The following PRCP variants were observed in gnomAD, a reference collection of about 807,000 sequenced individuals.
PRCP encodes prolylcarboxypeptidase, also known as lysosomal Pro-X carboxypeptidase.
A neutral mutation model predicts 54.2 loss-of-function variants in PRCP; 46 were observed. That is an observed-to-expected ratio of 0.85 (90% CI 0.67 to 1.09). The LOEUF (loss-of-function observed/expected upper bound fraction) is 1.09. Ranked by LOEUF, PRCP falls within the 50% of genes least tolerant of loss-of-function variation. PRCP has a pLI of 0.00. For missense variants in PRCP, 613 were observed against 596.8 expected (o/e 1.03, Z -0.28); for synonymous variants, 240 against 212.2 (o/e 1.13, Z -1.14).
intron 8 of PRCP, chr11:82,827,137 A>C (rs974314294): frequency 2.0e-5 from 3 of 152,188 alleles, no homozygotes; most frequent in Non-Finnish European, 4.4e-5. Flanking sequence ...GGTATTGTTT[A>C]CAAAGCCTTA....
At chr11:82,881,273 A>G (rs1441380398) in intron 1 of PRCP, among the ~76,000 whole-genome samples, 1 of 152,184 alleles carries the variant, frequency 6.6e-6, no homozygotes, top group Admixed American at 6.5e-5. Context: ...AGTGACCTGA[A>G]CCATTATGCC....
chr11:82,888,344 G>C (rs1488775508), intron 1 of PRCP, among the ~76,000 whole-genome samples: 5 of 152,188 alleles, frequency 3.3e-5, no homozygotes. Flanking sequence ...CTTCTCTCCA[G>C]CCGCAGCACC....
At chr11:82,843,713 G>T (rs140892875) in intron 6 of PRCP, among the ~76,000 whole-genome samples, 3 of 152,118 alleles carry the variant, frequency 2.0e-5, no homozygotes, top group Non-Finnish European at 4.4e-5. Context: ...CTGTAAATGC[G>T]CTGAAATGTG....
intron 6 of PRCP, among the ~76,000 whole-genome samples, chr11:82,847,607 C>T (rs1299590986): frequency 1.3e-5 from 2 of 151,998 alleles, no homozygotes; most frequent in East Asian, 3.8e-4. Flanking sequence ...GTTTTCTTTT[C>T]TTTACTTTTC....
At chr11:82,879,180 T>G (rs1349102922) in intron 1 of PRCP, among the ~76,000 whole-genome samples, 1 of 152,262 alleles carries the variant, frequency 6.6e-6, no homozygotes, top group South Asian at 2.1e-4. Flanking sequence ...CAATCAGACA[T>G]AGATTTGGTC....
chr11:82,850,316 G>A lies in PRCP; in HGVS notation c.593+8C>T, dbSNP rs748855698. ...AGAAACGTTCATGTCCAGTACAAAT[G>A]CACTTACCCAACTACCATATGAGGA... On this transcript the variant is annotated splice_region_variant and intron_variant, in intron 4 of 8. Transcript: ENST00000313010. 1 of 1,507,184 alleles carries A rather than the reference G, an allele frequency of 6.6e-7. No homozygotes were observed. Among genetic ancestry groups the A allele is most frequent in the Non-Finnish European group, 8.9e-7 (1 of 1,123,026 alleles). 93.4% of individuals were successfully genotyped at this position (1,507,184 alleles called of 1,614,324 possible). A position where few individuals can be genotyped will look rare whatever the true frequency, so the allele number is the denominator to read the frequency against.
rs139208551 is a variant in PRCP at position 82,899,161 on chromosome 11, T to C, written c.168+1074A>G. Among the ~76,000 whole-genome samples, 91 of 152,302 alleles carry C rather than the reference T, an allele frequency of 6.0e-4. 1 individual carries two copies. The highest frequency in any genetic ancestry group is 2.1e-3 in the African/African-American group (87 of 41,558). On this transcript the variant is annotated intron_variant, in intron 1 of 8. Transcript: ENST00000313010. ...ATTATTGAGCCCACAAGTTCAAGACTAGCCTGGGCAACATAGTGAGCCTTG... is the reference window on the plus strand; with the variant it reads ...ATTATTGAGCCCACAAGTTCAAGACCAGCCTGGGCAACATAGTGAGCCTTG...
intron 6 of PRCP, among the ~76,000 whole-genome samples, chr11:82,844,549 C>G (rs2121119254): frequency 6.6e-6 from 1 of 151,958 alleles, no homozygotes; most frequent in Non-Finnish European, 1.5e-5. Context: ...CCAGCCTGGC[C>G]AACATGGTGA....
chr11:82,867,260 A>C (rs1023564271), intron 1 of PRCP, among the ~76,000 whole-genome samples: 1 of 152,168 alleles, frequency 6.6e-6, no homozygotes, highest in African/African-American at 2.4e-5. Context: ...GGGGAGAGAA[A>C]ACACCCTCTC....
At chr11:82,834,977 T>C (rs1858484155) in intron 8 of PRCP, among the ~76,000 whole-genome samples, 1 of 152,190 alleles carries the variant, frequency 6.6e-6, no homozygotes, top group Non-Finnish European at 1.5e-5. Flanking sequence ...GGCAAGAGAA[T>C]GGCTTGAATC....
intron 1 of PRCP, among the ~76,000 whole-genome samples, chr11:82,892,556 CTATA>C (rs1441486413): frequency 6.6e-6 from 1 of 152,104 alleles, no homozygotes; most frequent in Non-Finnish European, 1.5e-5. Flanking sequence ...TTACAAAAAT[CTATA>C]TATCAATTTT....
chr11:82,840,887 T>C (rs1858647782), intron 6 of PRCP: 1 of 151,910 alleles, frequency 6.6e-6, no homozygotes, highest in South Asian at 2.1e-4. Context: ...GGTTATGAAA[T>C]ATACATCTTA....
intron 1 of PRCP, among the ~76,000 whole-genome samples, chr11:82,898,858 C>G (rs908161609): frequency 6.6e-6 from 1 of 152,194 alleles, no homozygotes; most frequent in Non-Finnish European, 1.5e-5. Flanking sequence ...AAAATTGTTT[C>G]TTGGCTGGGG....
intron 1 of PRCP, among the ~76,000 whole-genome samples, chr11:82,886,736 A>G (rs1188230698): frequency 6.6e-6 from 1 of 152,200 alleles, no homozygotes; most frequent in African/African-American, 2.4e-5. Context: ...TGCATAAATC[A>G]CTTCAGCCTC....
chr11:82,888,684 A>C (rs918623744), intron 1 of PRCP, among the ~76,000 whole-genome samples: 1 of 152,186 alleles, frequency 6.6e-6, no homozygotes, highest in African/African-American at 2.4e-5. Flanking sequence ...AGACCCCAAA[A>C]TAAGAAAATT....
At position 82,849,972 on chromosome 11, in the gene PRCP, T is replaced by G. The variant is rs1015338748; in HGVS notation, c.693A>C (p.Pro231=). ...IVTTDFRKSG[P]HCSESIHRSW... Reference sequence around the variant, plus strand: ...ACCTGTGGATGCTCTCTGAACAATGTGGACCGCTTTTCCTAAAATCTGTAG... The same window carrying G: ...ACCTGTGGATGCTCTCTGAACAATGGGGACCGCTTTTCCTAAAATCTGTAG... The change falls in exon 5 of 9, where the codon CCA becomes CCC. Residue 231 remains proline, a synonymous_variant. Transcript: ENST00000313010. 1.9e-6 allele frequency: 3 copies of G among 1,545,692 alleles called. No homozygotes were observed. The African/African-American group carries it at 4.2e-5, about 22-fold the overall frequency.
intron 1 of PRCP, among the ~76,000 whole-genome samples, chr11:82,879,980 G>T (rs1859705249): frequency 6.6e-6 from 1 of 152,222 alleles, no homozygotes; most frequent in Non-Finnish European, 1.5e-5. Context: ...CTACTCAGGG[G>T]TCAGGGACCC....
intron 1 of PRCP, among the ~76,000 whole-genome samples, chr11:82,860,824 G>A (rs1859190324): frequency 6.6e-6 from 1 of 152,064 alleles, no homozygotes; most frequent in Non-Finnish European, 1.5e-5. Context: ...AGAAATTAGG[G>A]CTTATTAGTG....
At chr11:82,832,315 CACCA>C (rs1858407051) in intron 8 of PRCP, among the ~76,000 whole-genome samples, 1 of 152,166 alleles carries the variant, frequency 6.6e-6, no homozygotes, top group Non-Finnish European at 1.5e-5. Flanking sequence ...TTTACACTCC[CACCA>C]ACAGTATAAA....
Sources: allele counts gnomAD v4.1 joint callset (sites outside exome capture counted in the v4.1 genomes callset), GRCh38; gene constraint gnomAD v4.1.1; transcripts MANE v1.5; gene names NCBI Gene and HGNC (gene_info 2026-07-23, HGNC 2026-07-21).